The following PRTFDC1 variants were observed in gnomAD, a reference collection of about 807,000 sequenced individuals.
PRTFDC1 encodes the protein phosphoribosyl transferase domain containing 1.
A neutral mutation model predicts 34.6 loss-of-function variants in PRTFDC1; 38 were observed. That is an observed-to-expected ratio of 1.10 (90% CI 0.85 to 1.44). The LOEUF (loss-of-function observed/expected upper bound fraction) is 1.44, where lower values mean the gene tolerates loss of function less well. Among genes scored for constraint, PRTFDC1 ranks in the 40% most tolerant of loss-of-function variants. The pLI is 0.00. For missense variants in PRTFDC1, 270 were observed against 283.0 expected (o/e 0.95, Z 0.33); for synonymous variants, 93 against 98.1 (o/e 0.95, Z 0.31).
intron 4 of PRTFDC1, among the ~76,000 whole-genome samples, chr10:24,861,906 T>C (rs1847686398): frequency 6.6e-6 from 1 of 152,076 alleles, no homozygotes; most frequent in Non-Finnish European, 1.5e-5. Flanking sequence ...CCCAGAGTGC[T>C]AGGATTACAG....
At chr10:24,919,948 G>T (rs1423865507) in intron 3 of PRTFDC1, among the ~76,000 whole-genome samples, 1 of 152,094 alleles carries the variant, frequency 6.6e-6, no homozygotes, top group East Asian at 1.9e-4. Flanking sequence ...AGTCAGAATG[G>T]TGATTATCAA....
intron 3 of PRTFDC1, among the ~76,000 whole-genome samples, chr10:24,899,230 G>A (rs561019510): frequency 6.6e-6 from 1 of 152,168 alleles, no homozygotes; most frequent in African/African-American, 2.4e-5. Flanking sequence ...CTGGAACCAG[G>A]GAGCCACCCC....
chr10:24,945,807 C>T (rs1224576448), intron 1 of PRTFDC1, among the ~76,000 whole-genome samples: 1 of 152,210 alleles, frequency 6.6e-6, no homozygotes, highest in African/African-American at 2.4e-5. Context: ...CCTCTACCAT[C>T]AAACTGGCCG....
chr10:24,851,287 TACTC>T (rs1198309325), intron 8 of PRTFDC1, 97 bp downstream of exon 8: 54 of 1,474,226 alleles, frequency 3.7e-5, no homozygotes, highest in Middle Eastern at 3.8e-4. Context: ...ACATAGAAGA[TACTC>T]AATCAATAGC....
intron 4 of PRTFDC1, among the ~76,000 whole-genome samples, chr10:24,871,703 G>C (rs1588581472): frequency 6.6e-6 from 1 of 151,926 alleles, no homozygotes; most frequent in South Asian, 2.1e-4. Flanking sequence ...TTCAGAAGGT[G>C]CCTGGAAAGA....
chr10:24,880,557 A>G (rs927711185), intron 3 of PRTFDC1, among the ~76,000 whole-genome samples: 2 of 152,260 alleles, frequency 1.3e-5, no homozygotes, highest in Non-Finnish European at 2.9e-5. Context: ...CACACAGCAG[A>G]TAACACATAC....
At position 24,945,117 on chromosome 10, in the gene PRTFDC1, G is replaced by A. The variant is rs905275160; in HGVS notation, c.49-2681C>T. ...CATTCAATGTCACCTCTGCAAAGAC[G>A]CCTTCCCTGACCTTCATAGCCTGTT... is the stretch of plus-strand genomic sequence containing the variant. On this transcript the variant is annotated intron_variant, in intron 1 of 8. Coordinates refer to ENST00000320152, the MANE Select transcript of PRTFDC1 (RefSeq NM_020200.7). Among the ~76,000 whole-genome samples the A allele has an allele frequency of 3.6e-4, 55 of 152,228 alleles. 1 individual carries two copies. Among genetic ancestry groups the A allele is most frequent in the African/African-American group, 8.4e-4 (35 of 41,554 alleles).
At chr10:24,851,297 A>G in intron 8 of PRTFDC1, 91 bp downstream of exon 8, 2 of 1,514,344 alleles carry the variant, frequency 1.3e-6, no homozygotes, top group Middle Eastern at 1.8e-4. Flanking sequence ...TACTCAATCA[A>G]TAGCAGACAT....
At chr10:24,950,869 A>G (rs1472099809) in intron 1 of PRTFDC1, among the ~76,000 whole-genome samples, 1 of 152,096 alleles carries the variant, frequency 6.6e-6, no homozygotes, top group Non-Finnish European at 1.5e-5. Flanking sequence ...ATGACTTCCA[A>G]ATCTCTCCAA....
At chr10:24,934,627 C>A (rs115588926) in intron 3 of PRTFDC1, among the ~76,000 whole-genome samples, 1,566 of 152,332 alleles carry the variant, frequency 0.01, 16 homozygotes, top group African/African-American at 0.028. Flanking sequence ...CCCTTGCAAC[C>A]AATTGCCAAT....
At chr10:24,905,098 G>A (rs146589676) in intron 3 of PRTFDC1, among the ~76,000 whole-genome samples, 189 of 151,838 alleles carry the variant, frequency 1.2e-3, no homozygotes, top group African/African-American at 4.4e-3. Flanking sequence ...CTTGAGCGCA[G>A]GAGTTTTAAA....
intron 3 of PRTFDC1, 116 bp from the exon 4 acceptor site, chr10:24,872,179 A>C: frequency 1.2e-6 from 1 of 828,814 alleles, no homozygotes; most frequent in Non-Finnish European, 1.9e-6. Flanking sequence ...TATAGCACAA[A>C]TAGCTAATAG....
chr10:24,890,621 G>T (rs1347193534), intron 3 of PRTFDC1, among the ~76,000 whole-genome samples: 1 of 152,182 alleles, frequency 6.6e-6, no homozygotes, highest in Non-Finnish European at 1.5e-5. Flanking sequence ...AGTCAGGGTG[G>T]CAGGGAAGAG....
At chr10:24,948,357 C>G (rs1325595633) in intron 1 of PRTFDC1, among the ~76,000 whole-genome samples, 1 of 152,174 alleles carries the variant, frequency 6.6e-6, no homozygotes, top group Non-Finnish European at 1.5e-5. Context: ...AGATCTTTAT[C>G]TCTCCCTGAG....
At chr10:24,858,664 C>G (rs977090111) in intron 4 of PRTFDC1, among the ~76,000 whole-genome samples, 2 of 152,192 alleles carry the variant, frequency 1.3e-5, no homozygotes, top group African/African-American at 4.8e-5. Context: ...GTCTGACGAG[C>G]TCTCCATAAA....
chr10:24,869,305 C>T (rs1847838737), intron 4 of PRTFDC1, among the ~76,000 whole-genome samples: 1 of 151,634 alleles, frequency 6.6e-6, no homozygotes, highest in Non-Finnish European at 1.5e-5. Context: ...GCCTACTATC[C>T]TAAGGCAGCA....
intron 3 of PRTFDC1, among the ~76,000 whole-genome samples, chr10:24,927,581 AT>A (rs5783910): frequency 1.3e-3 from 170 of 133,752 alleles, no homozygotes; most frequent in East Asian, 4.3e-3. Context: ...GCGGGACCCA[AT>A]TTTTTTTTTT....
At chr10:24,942,622 C>T (rs147970890) in intron 1 of PRTFDC1, among the ~76,000 whole-genome samples, 186 bp from the exon 2 acceptor site, 151 of 152,290 alleles carry the variant, frequency 9.9e-4, no homozygotes, top group Middle Eastern at 3.4e-3. Context: ...CCATTCCCAA[C>T]TATTGGCATC....
chr10:24,898,904 G>T (rs1409453611), intron 3 of PRTFDC1, among the ~76,000 whole-genome samples: 1 of 152,064 alleles, frequency 6.6e-6, no homozygotes, highest in African/African-American at 2.4e-5. Flanking sequence ...TAAGTCATGG[G>T]ATTCTTTCCC....
Sources: allele counts gnomAD v4.1 joint callset (sites outside exome capture counted in the v4.1 genomes callset), GRCh38; gene constraint gnomAD v4.1.1; transcripts MANE v1.5; gene names NCBI Gene and HGNC (gene_info 2026-07-23, HGNC 2026-07-21).